The following PDE11A variants were observed in gnomAD, a reference collection of about 807,000 sequenced individuals.
PDE11A encodes dual 3',5'-cyclic-AMP and -GMP phosphodiesterase 11A.
In PDE11A, 100 loss-of-function variants were observed where a neutral mutation model predicts 100.5. That is an observed-to-expected ratio of 1.00 (90% confidence interval 0.85 to 1.18). The LOEUF (loss-of-function observed/expected upper bound fraction) is 1.18, where lower values mean the gene tolerates loss of function less well. PDE11A is among the 50% of genes most tolerant of loss of function. The pLI, the probability that PDE11A is intolerant of heterozygous loss-of-function variation, is 0.00. For synonymous variants in PDE11A, 381 were observed against 420.8 expected (o/e 0.91, Z 1.16); for missense variants, 1,141 against 1,152.6 (o/e 0.99, Z 0.15).
At chr2:177,878,319 G>T (rs1229224913) in intron 4 of PDE11A, among the ~76,000 whole-genome samples, 1 of 152,032 alleles carries the variant, frequency 6.6e-6, no homozygotes, top group Non-Finnish European at 1.5e-5. Flanking sequence ...CAAGTGGTAG[G>T]ATCTACGTCC....
chr2:177,962,440 G>C (rs1341659435), intron 2 of PDE11A, among the ~76,000 whole-genome samples: 3 of 151,852 alleles, frequency 2.0e-5, no homozygotes, highest in Non-Finnish European at 2.9e-5. Context: ...AATTTATATA[G>C]TATACTATCA....
At chr2:177,924,765 C>T (rs2085103241) in intron 2 of PDE11A, among the ~76,000 whole-genome samples, 2 of 148,996 alleles carry the variant, frequency 1.3e-5, no homozygotes, top group African/African-American at 5.0e-5. Flanking sequence ...TTTTAGGGTA[C>T]ATGTGCACAT....
chr2:177,701,702 T>C (rs1236211299), intron 13 of PDE11A, among the ~76,000 whole-genome samples: 1 of 152,222 alleles, frequency 6.6e-6, no homozygotes. Flanking sequence ...AACTGTCTTA[T>C]ACAAAACGTA....
At chr2:177,790,571 G>A (rs2082614659) in intron 9 of PDE11A, among the ~76,000 whole-genome samples, 3 of 152,260 alleles carry the variant, frequency 2.0e-5, no homozygotes, top group Non-Finnish European at 4.4e-5. Context: ...CTTCTGCACA[G>A]CAAAAGAAAC....
At position 177,790,673 on chromosome 2, in the gene PDE11A, A is replaced by T. The variant is rs1030681918; in HGVS notation, c.1738-21300T>A. ...AGGGCTAATATCCAGAATCTACAAT[A>T]AACTCAAACAAATTTACAAGAAAAA... On this transcript the variant is annotated intron_variant, in intron 9 of 19. Coordinates refer to ENST00000286063, the MANE Select transcript of PDE11A (RefSeq NM_016953.4). 4.6e-5 allele frequency among the ~76,000 whole-genome samples: 7 copies of T among 152,032 alleles called. No homozygotes were observed. In the East Asian group the frequency reaches 1.4e-3, roughly 29 times the overall value.
At position 178,071,797 on chromosome 2, in the gene PDE11A, T is replaced by C. The variant is rs2087135190; in HGVS notation, c.641A>G (p.Asn214Ser). 6 of 1,613,388 alleles carry C rather than the reference T, an allele frequency of 3.7e-6. No homozygotes were observed. Among genetic ancestry groups the C allele is most frequent in the Middle Eastern group, 3.3e-4 (2 of 6,084 alleles). Residue 214 changes from asparagine to serine, a missense_variant, in exon 1 of 20, where the codon AAT becomes AGT. Transcript: ENST00000286063. Reference protein sequence around the residue: ...FFLELVKDISNDLDLTSLSYK... With the variant: ...FFLELVKDISSDLDLTSLSYK... Reference sequence around the variant, plus strand: ...GCTCAGGCTGGTGAGGTCAAGGTCATTGGAGATATCTTTGACCAATTCCAG... The same window carrying C: ...GCTCAGGCTGGTGAGGTCAAGGTCACTGGAGATATCTTTGACCAATTCCAG...
chr2:177,688,713 G>C (rs967955867), intron 15 of PDE11A, among the ~76,000 whole-genome samples: 2 of 152,134 alleles, frequency 1.3e-5, no homozygotes, highest in Admixed American at 1.3e-4. Flanking sequence ...CATCCTGCTC[G>C]CCTGACATAT....
intron 2 of PDE11A, among the ~76,000 whole-genome samples, chr2:177,969,070 A>G (rs561275265): frequency 6.6e-6 from 1 of 152,352 alleles, no homozygotes; most frequent in African/African-American, 2.4e-5. Context: ...CATATACACC[A>G]TGGAATACTA....
At position 177,871,329 on chromosome 2, in the gene PDE11A, C is replaced by T. The variant is rs527831492; in HGVS notation, c.1367+4530G>A. On this transcript the variant is annotated intron_variant, in intron 5 of 19. Transcript: ENST00000286063. ...TTTCTGCACAAATGACCCAGCCTGT[C>T]CCAGGTTCGTGAAGGTCACCAGTGC... 2.8e-4 allele frequency among the ~76,000 whole-genome samples: 43 copies of T among 151,912 alleles called. 1 individual carries two copies. The highest frequency in any genetic ancestry group is 5.9e-4 in the Non-Finnish European group (40 of 67,998).
chr2:178,019,659 G>C (rs1376862157), intron 1 of PDE11A, among the ~76,000 whole-genome samples: 2 of 152,168 alleles, frequency 1.3e-5, no homozygotes, highest in East Asian at 3.8e-4. Flanking sequence ...TGGTGGTCCA[G>C]GTAAGGTATG....
chr2:177,656,929 C>T (rs1163585144), intron 19 of PDE11A, among the ~76,000 whole-genome samples: 1 of 151,976 alleles, frequency 6.6e-6, no homozygotes, highest in African/African-American at 2.4e-5. Flanking sequence ...GGAGATGAGG[C>T]CAAGGAATAG....
intron 1 of PDE11A, among the ~76,000 whole-genome samples, chr2:178,034,404 A>C (rs2086584794): frequency 6.6e-6 from 1 of 152,252 alleles, no homozygotes; most frequent in Non-Finnish European, 1.5e-5. Flanking sequence ...AAAGAGACTT[A>C]GATACCTGCA....
intron 10 of PDE11A, among the ~76,000 whole-genome samples, chr2:177,732,557 A>T (rs1224141445): frequency 6.6e-6 from 1 of 152,198 alleles, no homozygotes; most frequent in Admixed American, 6.5e-5. Flanking sequence ...TGTCTTGTAG[A>T]TTATTAATAG....
At chr2:177,874,079 G>C (rs1416011374) in intron 5 of PDE11A, among the ~76,000 whole-genome samples, 1 of 151,988 alleles carries the variant, frequency 6.6e-6, no homozygotes, top group Non-Finnish European at 1.5e-5. Context: ...TAACCTGACA[G>C]GTATTCACTA....
chr2:177,854,681 A>G (rs2083798407), intron 5 of PDE11A, among the ~76,000 whole-genome samples: 1 of 152,114 alleles, frequency 6.6e-6, no homozygotes, highest in Admixed American at 6.6e-5. Context: ...GCGGCAGAGA[A>G]TATCTGGGTA....
chr2:177,903,568 A>C (rs910174036), intron 3 of PDE11A, among the ~76,000 whole-genome samples: 7 of 152,244 alleles, frequency 4.6e-5, no homozygotes, highest in African/African-American at 1.4e-4. Context: ...AAGATTAATC[A>C]TATATGAAGC....
At chr2:177,945,551 C>T (rs1337197867) in intron 2 of PDE11A, among the ~76,000 whole-genome samples, 1 of 150,502 alleles carries the variant, frequency 6.6e-6, no homozygotes, top group Admixed American at 6.6e-5. Context: ...CCCAGCCGCC[C>T]CGTCTGAGAA....
At chr2:178,074,328 T>C (rs1011910909), upstream of PDE11A, among the ~76,000 whole-genome samples, 2 of 152,184 alleles carry the variant, frequency 1.3e-5, no homozygotes, top group Non-Finnish European at 2.9e-5. Flanking sequence ...CTGAAATTCA[T>C]TGAATTGTAC....
At chr2:177,654,983 T>C (rs1005394282) in intron 19 of PDE11A, among the ~76,000 whole-genome samples, 1 of 152,176 alleles carries the variant, frequency 6.6e-6, no homozygotes, top group South Asian at 2.1e-4. Context: ...TTCCAAGCCT[T>C]GTAAGGACTT....
Sources: allele counts gnomAD v4.1 joint callset (sites outside exome capture counted in the v4.1 genomes callset), GRCh38; gene constraint gnomAD v4.1.1; transcripts MANE v1.5; gene names NCBI Gene and HGNC (gene_info 2026-07-23, HGNC 2026-07-21).